MEF2C: variants seen among roughly 807,000 people sequenced by gnomAD.
The protein encoded by MEF2C is myocyte enhancer factor 2C.
A neutral mutation model predicts 50.5 loss-of-function variants in MEF2C; 6 were observed. The observed-to-expected ratio is 0.12, with a 90% CI of 0.07 to 0.23. The LOEUF is 0.23. Among genes scored for constraint, MEF2C ranks in the 10% least tolerant of loss-of-function variants. The pLI is 1.00. For synonymous variants in MEF2C, 183 were observed against 228.0 expected (o/e 0.80, Z 1.78); for missense variants, 276 against 605.0 (o/e 0.46, Z 5.70).
Position 88,781,594 on chromosome 5 carries a change from T to C in MEF2C, c.259-20266A>G, listed in dbSNP as rs116033822. Reference sequence around the variant, plus strand: ...ATGAAAGGGCAGGGCTTTTATTATATGGATGTGAAAGTGTAAGGGGAGAGT... The same window carrying C: ...ATGAAAGGGCAGGGCTTTTATTATACGGATGTGAAAGTGTAAGGGGAGAGT... On this transcript the variant is annotated intron_variant, in intron 3 of 10. Transcript: ENST00000504921. 6.1e-3 allele frequency among the ~76,000 whole-genome samples: 927 copies of C among 152,256 alleles called. 15 individuals carry two copies. Among genetic ancestry groups the C allele is most frequent in the African/African-American group, 0.022 (907 of 41,550 alleles).
intron 3 of MEF2C, among the ~76,000 whole-genome samples, chr5:88,762,586 T>A (rs900446509): frequency 6.6e-5 from 10 of 151,756 alleles, no homozygotes; most frequent in South Asian, 4.2e-4. Flanking sequence ...TATTATTATT[T>A]TTTTTTACTA....
At chr5:88,898,537 G>T (rs942982928) in intron 1 of MEF2C, among the ~76,000 whole-genome samples, 2 of 152,094 alleles carry the variant, frequency 1.3e-5, no homozygotes. Context: ...TGAGGAATGT[G>T]GCTTCTCTGT....
intron 1 of MEF2C, chr5:88,877,867 A>C (rs1831554357): frequency 6.6e-6 from 1 of 151,980 alleles, no homozygotes; most frequent in Non-Finnish European, 1.5e-5. Flanking sequence ...AAAAACTGAC[A>C]ATTTTCTTTG....
chr5:88,816,465 C>CTTTTTT (rs70996497), intron 2 of MEF2C, among the ~76,000 whole-genome samples: 39 of 86,116 alleles, frequency 4.5e-4, no homozygotes, highest in East Asian at 1.5e-3. Flanking sequence ...CTGCCTACTG[C>CTTTTTT]TTTTTTTTTT....
At position 88,795,854 on chromosome 5, in the gene MEF2C, T is replaced by G. The variant is rs569317896; in HGVS notation, c.258+8744A>C. Among the ~76,000 whole-genome samples, 12 of 152,086 alleles carry G rather than the reference T, an allele frequency of 7.9e-5. No homozygotes were observed. The East Asian group carries it at 1.2e-3, about 15-fold the overall frequency. Reference sequence around the variant, plus strand: ...ATTGCGAGTTTTTAGCAGGAAGGAGTGTTGAATTTTATCGACGCCCTTTTC... The same window carrying G: ...ATTGCGAGTTTTTAGCAGGAAGGAGGGTTGAATTTTATCGACGCCCTTTTC... On this transcript the variant is annotated intron_variant, in intron 3 of 10. Coordinates refer to ENST00000504921, the MANE Select transcript of MEF2C (RefSeq NM_002397.5).
Position 88,804,607 on chromosome 5 carries a change from G to A in MEF2C, c.249C>T (p.Asp83=), listed in dbSNP as rs1799618693. ...NEPHESRTNS[D]IVETLRKKGL... ...ACGCATGCTCTCTCACCTCCACGAT[G>A]TCTGAGTTTGTCCGGCTCTCATGCG... is the stretch of plus-strand genomic sequence containing the variant. The change falls in exon 3 of 11, where the codon GAC becomes GAT. Residue 83 remains aspartate (D), a synonymous_variant. Transcript: ENST00000504921. 3.1e-6 allele frequency: 5 copies of A among 1,613,988 alleles called. No homozygotes were observed. Among genetic ancestry groups the A allele is most frequent in the Non-Finnish European group, 4.2e-6 (5 of 1,179,982 alleles).
intron 1 of MEF2C, among the ~76,000 whole-genome samples, chr5:88,829,646 C>T (rs568619986): frequency 3.4e-4 from 52 of 152,142 alleles, no homozygotes; most frequent in Non-Finnish European, 6.6e-4. Context: ...AGATTGATAA[C>T]CTCACTTAAT....
At chr5:88,834,583 G>A (rs1001595852) in intron 1 of MEF2C, among the ~76,000 whole-genome samples, 1 of 152,096 alleles carries the variant, frequency 6.6e-6, no homozygotes, top group Non-Finnish European at 1.5e-5. Context: ...AGAAAATATC[G>A]CAGTGGAATG....
intron 6 of MEF2C, chr5:88,746,481 G>A (rs1328677640): frequency 2.1e-6 from 2 of 970,608 alleles, no homozygotes; most frequent in African/African-American, 3.6e-5. Context: ...ACTTGATTTA[G>A]AAAAAAACTG....
At chr5:88,739,751 A>G (rs950733322) in intron 6 of MEF2C, 6 of 984,672 alleles carry the variant, frequency 6.1e-6, no homozygotes, top group Admixed American at 6.2e-5. Flanking sequence ...TTTGAGAAAA[A>G]AAGATATTTT....
chr5:88,849,529 A>C (rs1820533056), intron 1 of MEF2C, among the ~76,000 whole-genome samples: 1 of 152,212 alleles, frequency 6.6e-6, no homozygotes, highest in Non-Finnish European at 1.5e-5. Flanking sequence ...TATTTATTCT[A>C]TTTAATCTGT....
At chr5:88,822,713 G>C (rs1808968065) in intron 2 of MEF2C, among the ~76,000 whole-genome samples, 1 of 151,978 alleles carries the variant, frequency 6.6e-6, no homozygotes, top group African/African-American at 2.4e-5. Flanking sequence ...GGACAATAGA[G>C]GACATGAGTG....
chr5:88,865,891 TTTC>T (rs1464453109), intron 1 of MEF2C, among the ~76,000 whole-genome samples: 134 of 151,876 alleles, frequency 8.8e-4, no homozygotes, highest in African/African-American at 3.2e-3. Context: ...TCACATTTCT[TTTC>T]TTTTTTTTTT....
chr5:88,792,477 G>A (rs182212975), intron 3 of MEF2C, among the ~76,000 whole-genome samples: 17 of 152,252 alleles, frequency 1.1e-4, no homozygotes, highest in African/African-American at 3.6e-4. Context: ...ACTCACTTCC[G>A]AAGTGACTCC....
intron 6 of MEF2C, chr5:88,748,251 A>G: frequency 1.8e-5 from 17 of 953,364 alleles, no homozygotes; most frequent in Non-Finnish European, 2.1e-5. Context: ...CTATTTCAAT[A>G]AACTTGATTT....
chr5:88,761,070 T>C, intron 4 of MEF2C, 115 bp downstream of exon 4: 1 of 1,614,022 alleles, frequency 6.2e-7, no homozygotes, highest in Non-Finnish European at 8.5e-7. Flanking sequence ...GGTGAGTGCA[T>C]AAGAGGAGTC....
chr5:88,869,266 T>C (rs1472514304), intron 1 of MEF2C, among the ~76,000 whole-genome samples: 4 of 70,630 alleles, frequency 5.7e-5, no homozygotes, highest in East Asian at 7.6e-4. Flanking sequence ...TATATATATA[T>C]ATATATATAT....
In MEF2C at chr5:88,733,002, G is replaced by A. The variant is rs943071239; in HGVS notation, c.638-1101C>T. ...TGAGGATGCAAAGACAAGGCCCCAG[G>A]CTTGAAAAGCTCTGAAATCTCTTTG... On this transcript the variant is annotated intron_variant, in intron 6 of 10. Transcript: ENST00000504921. The A allele has an allele frequency of 4.5e-6, 4 of 881,292 alleles. No homozygotes were observed. The East Asian group carries it at 4.8e-4, about 106-fold the overall frequency. The allele number at this position is 881,292 out of a possible 1,614,324, so 54.6% of individuals were successfully genotyped here.
intron 3 of MEF2C, chr5:88,782,204 C>T (rs1195238168): frequency 2.1e-6 from 2 of 972,264 alleles, no homozygotes; most frequent in Non-Finnish European, 2.4e-6. Flanking sequence ...CACAGTGGCT[C>T]ACTCCTGTAA....
Sources: gnomAD v4.1 joint callset for allele counts (sites outside exome capture counted in the v4.1 genomes callset) on GRCh38, gnomAD v4.1.1 for gene constraint, MANE v1.5 for transcripts, NCBI Gene and HGNC (gene_info 2026-07-23, HGNC 2026-07-21) for gene names.